Variants in CYTH1 observed in about 807,000 individuals in gnomAD.
CYTH1 encodes cytohesin-1.
In CYTH1, 18 loss-of-function variants were observed where a neutral mutation model predicts 61.8. That is an observed-to-expected ratio of 0.29 (90% CI 0.20 to 0.43). The LOEUF is 0.43. Among genes scored for constraint, CYTH1 ranks in the 20% least tolerant of loss-of-function variants. CYTH1 has a pLI of 1.00. For missense variants in CYTH1, 336 were observed against 510.5 expected, an observed-to-expected ratio of 0.66 and a Z score of 3.29; for synonymous variants, 174 against 184.3, an observed-to-expected ratio of 0.94 and a Z score of 0.45.
chr17:78,721,241 A>C (rs2093225875), intron 1 of CYTH1, among the ~76,000 whole-genome samples: 2 of 152,154 alleles, frequency 1.3e-5, no homozygotes, highest in Non-Finnish European at 2.9e-5. Flanking sequence ...GGGGCAAGAA[A>C]ATCGCTTGAA....
intron 10 of CYTH1, 94 bp from the exon 11 acceptor site, chr17:78,692,587 T>C (rs1598833325): frequency 8.1e-6 from 10 of 1,232,628 alleles, no homozygotes; most frequent in South Asian, 4.9e-5. Flanking sequence ...TCAGAGAGGG[T>C]TGGGGGAGAG....
chr17:78,719,135 G>A (rs540729578), intron 1 of CYTH1, among the ~76,000 whole-genome samples: 15 of 152,200 alleles, frequency 9.9e-5, no homozygotes, highest in Non-Finnish European at 1.6e-4. Flanking sequence ...GGACGGATCC[G>A]GGGACTGCCA....
intron 1 of CYTH1, among the ~76,000 whole-genome samples, chr17:78,758,688 C>G (rs945127797): frequency 6.6e-6 from 1 of 151,808 alleles, no homozygotes; most frequent in South Asian, 2.1e-4. Flanking sequence ...GCCTGGGCAA[C>G]AAGAGTGAAA....
At chr17:78,745,049 G>A (rs1202418078) in intron 1 of CYTH1, among the ~76,000 whole-genome samples, 1 of 152,092 alleles carries the variant, frequency 6.6e-6, no homozygotes, top group South Asian at 2.1e-4. Context: ...CTGAAAAACT[G>A]TGTGGTTTTG....
intron 1 of CYTH1, chr17:78,727,908 T>C (rs2093274874): frequency 1.2e-5 from 4 of 335,892 alleles, no homozygotes; most frequent in East Asian, 8.3e-5. Context: ...CAGGCCAAGC[T>C]CTGCACCTTT....
chr17:78,759,536 G>A (rs988100637), intron 1 of CYTH1, among the ~76,000 whole-genome samples: 2 of 152,208 alleles, frequency 1.3e-5, no homozygotes, highest in Non-Finnish European at 1.5e-5. Flanking sequence ...GCTAAAGTGG[G>A]TAGGTAGCTA....
At chr17:78,721,038 A>C (rs1027001741) in intron 1 of CYTH1, among the ~76,000 whole-genome samples, 21 of 152,214 alleles carry the variant, frequency 1.4e-4, no homozygotes, top group African/African-American at 4.8e-4. Flanking sequence ...ATTTGTTAAA[A>C]GAATTTACAA....
intron 1 of CYTH1, among the ~76,000 whole-genome samples, chr17:78,772,075 C>CTAAATTGCAACAA (rs2093473548): frequency 6.6e-6 from 1 of 152,138 alleles, no homozygotes; most frequent in Non-Finnish European, 1.5e-5. Flanking sequence ...GCAACTGAAA[C>CTAAATTGCAACAA]TAAATTGCAA....
chr17:78,708,491 C>G lies in CYTH1; in HGVS notation c.106-230G>C, dbSNP rs190927005. ...AACACCAAGGTAGAAAAGAATACAG[C>G]CTCTGACCTCAAGGAGTTTACGGTC... On this transcript the variant is annotated intron_variant, in intron 2 of 13. Transcript: ENST00000446868. Among the ~76,000 whole-genome samples, 73 of 152,300 alleles carry G rather than the reference C, an allele frequency of 4.8e-4. No individual in the cohort carries two copies. In the East Asian group the frequency reaches 9.6e-3, roughly 20 times the overall value.
At chr17:78,741,693 T>C (rs960217539) in intron 1 of CYTH1, among the ~76,000 whole-genome samples, 5 of 152,138 alleles carry the variant, frequency 3.3e-5, no homozygotes, top group Non-Finnish European at 7.4e-5. Flanking sequence ...GGCAAGAGTG[T>C]CAGTAGAGGA....
At chr17:78,750,308 C>A (rs935758959) in intron 1 of CYTH1, among the ~76,000 whole-genome samples, 3 of 152,052 alleles carry the variant, frequency 2.0e-5, no homozygotes, top group Non-Finnish European at 4.4e-5. Flanking sequence ...CCTATGTGAG[C>A]GGATATGCTA....
At chr17:78,699,431 G>A (rs2092984656) in intron 7 of CYTH1, among the ~76,000 whole-genome samples, 1 of 151,928 alleles carries the variant, frequency 6.6e-6, no homozygotes, top group African/African-American at 2.4e-5. Flanking sequence ...ACACTCCAGG[G>A]CACACTGCTG....
At chr17:78,704,131 G>A (rs1221053166) in intron 3 of CYTH1, among the ~76,000 whole-genome samples, 2 of 152,180 alleles carry the variant, frequency 1.3e-5, no homozygotes, top group Admixed American at 6.5e-5. Context: ...CGCTCCGCTC[G>A]TTTATACATA....
chr17:78,774,048 T>C (rs2093481839), intron 1 of CYTH1, among the ~76,000 whole-genome samples: 1 of 151,632 alleles, frequency 6.6e-6, no homozygotes, highest in African/African-American at 2.4e-5. Flanking sequence ...ATTCAGTTTG[T>C]TTGCTTGTTT....
intron 1 of CYTH1, among the ~76,000 whole-genome samples, chr17:78,776,813 G>GTT (rs767238401): frequency 6.9e-6 from 1 of 145,234 alleles, no homozygotes. Flanking sequence ...GCCATAAACA[G>GTT]TTTTTTTTTT....
At chr17:78,774,606 G>A (rs2093483836) in intron 1 of CYTH1, among the ~76,000 whole-genome samples, 2 of 152,208 alleles carry the variant, frequency 1.3e-5, no homozygotes, top group South Asian at 4.2e-4. Context: ...CTATTCTGGA[G>A]ACATGGTGAT....
intron 8 of CYTH1, 89 bp downstream of exon 8, chr17:78,698,731 G>C: frequency 7.2e-7 from 1 of 1,393,984 alleles, no homozygotes; most frequent in Non-Finnish European, 9.5e-7. Context: ...TTGATAAATT[G>C]TATGTTTTTT....
intron 8 of CYTH1, among the ~76,000 whole-genome samples, chr17:78,698,592 C>A (rs557173544): frequency 3.9e-5 from 6 of 152,142 alleles, no homozygotes; most frequent in Admixed American, 1.3e-4. Flanking sequence ...AAAGAAGCAG[C>A]CTGACTTCTA....
chr17:78,678,591 A>T (rs1431698336), intron 13 of CYTH1: 1 of 152,230 alleles, frequency 6.6e-6, no homozygotes, highest in African/African-American at 2.4e-5. Context: ...TATGTTAAAA[A>T]AAAGGATACC....
Sources: gnomAD v4.1 joint callset for allele counts (sites outside exome capture counted in the v4.1 genomes callset) on GRCh38, gnomAD v4.1.1 for gene constraint, MANE v1.5 for transcripts, NCBI Gene and HGNC (gene_info 2026-07-23, HGNC 2026-07-21) for gene names.